The following STAC variants were observed in gnomAD, a reference collection of about 807,000 sequenced individuals.
The protein encoded by STAC is SH3 and cysteine-rich domain-containing protein.
A neutral mutation model predicts 48.8 loss-of-function variants in STAC; 43 were observed. The observed-to-expected ratio is 0.88, with a 90% CI of 0.69 to 1.14. The LOEUF (loss-of-function observed/expected upper bound fraction) is 1.14. Ranked by LOEUF, STAC falls within the 50% of genes most tolerant of loss-of-function variation. STAC has a pLI of 0.00. For missense variants in STAC, 497 were observed against 504.0 expected (o/e 0.99, Z 0.13); for synonymous variants, 193 against 179.5 (o/e 1.07, Z -0.60).
chr3:36,514,718 C>A (rs1698627961), intron 8 of STAC, among the ~76,000 whole-genome samples: 1 of 152,016 alleles, frequency 6.6e-6, no homozygotes, highest in African/African-American at 2.4e-5. Context: ...ACTTAGTGGG[C>A]AAATCAAGTC....
At chr3:36,461,476 G>A (rs181780171) in intron 2 of STAC, among the ~76,000 whole-genome samples, 6 of 152,230 alleles carry the variant, frequency 3.9e-5, no homozygotes, top group South Asian at 4.2e-4. Context: ...CTGGGGAGAC[G>A]ATGGATGGAT....
At chr3:36,464,740 G>A (rs1291334253) in intron 2 of STAC, among the ~76,000 whole-genome samples, 1 of 152,022 alleles carries the variant, frequency 6.6e-6, no homozygotes, top group Non-Finnish European at 1.5e-5. Context: ...TGGAACAATA[G>A]TCTCCGATTC....
intron 1 of STAC, among the ~76,000 whole-genome samples, chr3:36,385,347 T>C (rs545976653): frequency 1.3e-4 from 20 of 152,252 alleles, no homozygotes; most frequent in Non-Finnish European, 2.4e-4. Flanking sequence ...AATATTAAAA[T>C]ATACATTCCA....
chr3:36,420,644 C>T (rs914696636), intron 1 of STAC, among the ~76,000 whole-genome samples: 6 of 152,190 alleles, frequency 3.9e-5, no homozygotes, highest in Non-Finnish European at 8.8e-5. Context: ...CACTTTCATC[C>T]TCAAACCATC....
intron 1 of STAC, among the ~76,000 whole-genome samples, chr3:36,420,109 C>T (rs1700414142): frequency 6.6e-6 from 1 of 152,050 alleles, no homozygotes. Context: ...TAACTATGTA[C>T]CTCTACAGTA....
chr3:36,459,676 C>G (rs373005408), intron 2 of STAC, among the ~76,000 whole-genome samples: 51 of 152,298 alleles, frequency 3.3e-4, no homozygotes, highest in African/African-American at 1.2e-3. Context: ...AAAGACTTCT[C>G]GGCCAGTTTA....
intron 2 of STAC, among the ~76,000 whole-genome samples, chr3:36,450,206 GCA>G (rs1370309832): frequency 1.3e-5 from 2 of 152,098 alleles, no homozygotes; most frequent in Admixed American, 6.5e-5. Flanking sequence ...CATACACCTG[GCA>G]CACAGTGATT....
At chr3:36,502,843 C>T (rs1698311741) in intron 6 of STAC, among the ~76,000 whole-genome samples, 2 of 152,240 alleles carry the variant, frequency 1.3e-5, no homozygotes, top group African/African-American at 2.4e-5. Context: ...ACCGGGCCTT[C>T]GTTTTCTGGT....
intron 2 of STAC, among the ~76,000 whole-genome samples, chr3:36,464,911 T>C (rs1336963437): frequency 6.6e-6 from 1 of 152,118 alleles, no homozygotes; most frequent in East Asian, 1.9e-4. Flanking sequence ...CAGTTGTGAC[T>C]TGTGCTTCTG....
At position 36,438,565 on chromosome 3, in the gene STAC, G is replaced by A. The variant is rs78394362; in HGVS notation, c.112-4799G>A. 5.1e-3 allele frequency among the ~76,000 whole-genome samples: 784 copies of A among 152,244 alleles called. 7 individuals are homozygous for A. The highest frequency in any genetic ancestry group is 0.018 in the African/African-American group (729 of 41,542). On this transcript the variant is annotated intron_variant, in intron 1 of 10. Coordinates refer to ENST00000273183, the MANE Select transcript of STAC (RefSeq NM_003149.3). ...GTCTGGGGCTTAATTTAACTTGTAG[G>A]TATTTCTTTTAAGATTCCCACTTGA...
At chr3:36,525,601 C>T (rs1698912769) in intron 8 of STAC, among the ~76,000 whole-genome samples, 1 of 151,774 alleles carries the variant, frequency 6.6e-6, no homozygotes, top group Admixed American at 6.6e-5. Flanking sequence ...TTTACAGTTT[C>T]TGCCAGAGCA....
At chr3:36,488,117 G>A (rs1309604811) in intron 5 of STAC, among the ~76,000 whole-genome samples, 1 of 152,128 alleles carries the variant, frequency 6.6e-6, no homozygotes, top group Non-Finnish European at 1.5e-5. Context: ...TATTTTTTGA[G>A]AGATGGGGTC....
intron 8 of STAC, among the ~76,000 whole-genome samples, chr3:36,506,658 G>A (rs569776323): frequency 6.6e-6 from 1 of 152,202 alleles, no homozygotes; most frequent in Admixed American, 6.5e-5. Context: ...CTTGTAAGCT[G>A]GATTCCTAGG....
chr3:36,521,384 G>GA (rs1405613151), intron 8 of STAC, among the ~76,000 whole-genome samples: 1 of 152,110 alleles, frequency 6.6e-6, no homozygotes, highest in Non-Finnish European at 1.5e-5. Context: ...CTACTTGTAT[G>GA]AAAATGCAAC....
At chr3:36,450,337 T>G (rs1696641450) in intron 2 of STAC, among the ~76,000 whole-genome samples, 1 of 152,186 alleles carries the variant, frequency 6.6e-6, no homozygotes, top group Non-Finnish European at 1.5e-5. Flanking sequence ...ATTTTCTGAT[T>G]TTTCTAAAAG....
intron 2 of STAC, among the ~76,000 whole-genome samples, chr3:36,482,321 GC>G (rs1399933898): frequency 6.6e-6 from 1 of 152,136 alleles, no homozygotes. Flanking sequence ...CCTGCCTTGG[GC>G]CTTTGTGCAT....
intron 10 of STAC, among the ~76,000 whole-genome samples, chr3:36,529,980 C>T (rs1308937628): frequency 2.0e-5 from 3 of 152,076 alleles, no homozygotes; most frequent in African/African-American, 7.2e-5. Context: ...ATTAGCTGGG[C>T]GTGGTGGCAC....
chr3:36,412,435 T>G (rs1700217047), intron 1 of STAC, among the ~76,000 whole-genome samples: 1 of 135,502 alleles, frequency 7.4e-6, no homozygotes, highest in Non-Finnish European at 1.7e-5. Context: ...AAATAGAGGT[T>G]TTTTTTTTAA....
At chr3:36,427,916 A>C (rs537499497) in intron 1 of STAC, among the ~76,000 whole-genome samples, 2 of 152,360 alleles carry the variant, frequency 1.3e-5, no homozygotes, top group East Asian at 3.9e-4. Context: ...AAGAAACATC[A>C]GCAAGCCCAC....
Sources: allele counts gnomAD v4.1 joint callset (sites outside exome capture counted in the v4.1 genomes callset), GRCh38; gene constraint gnomAD v4.1.1; transcripts MANE v1.5; gene names NCBI Gene and HGNC (gene_info 2026-07-23, HGNC 2026-07-21).